Variants in SYTL2 observed in about 807,000 individuals in gnomAD.
SYTL2 encodes the protein synaptotagmin like 2, also known as synaptotagmin-like protein 2.
A neutral mutation model predicts 198.7 loss-of-function variants in SYTL2; 165 were observed. That is an observed-to-expected ratio of 0.83 (90% CI 0.73 to 0.94). SYTL2 has a LOEUF of 0.94. Among genes scored for constraint, SYTL2 ranks in the 40% least tolerant of loss-of-function variants. The probability of loss-of-function intolerance (pLI) is 0.00; values close to 1 mark genes in which losing one functional copy is unlikely to be tolerated. For synonymous variants in SYTL2, 966 were observed against 917.7 expected, an observed-to-expected ratio of 1.05 and a Z score of -0.95; for missense variants, 2,835 against 2,582.8, an observed-to-expected ratio of 1.10 and a Z score of -2.12.
At chr11:85,705,786 A>C (rs181032359) in intron 15 of SYTL2, among the ~76,000 whole-genome samples, 5 of 152,306 alleles carry the variant, frequency 3.3e-5, no homozygotes, top group African/African-American at 9.6e-5. Context: ...TAACATTTAA[A>C]TTATCTGGCT....
chr11:85,734,685 A>G lies in SYTL2; in HGVS notation c.644T>C (p.Leu215Ser), dbSNP rs1430164694. The G allele has an allele frequency of 4.3e-6, 7 of 1,613,980 alleles. No individual in the cohort carries two copies. The highest frequency in any genetic ancestry group is 5.9e-6 in the Non-Finnish European group (7 of 1,180,018). Reference sequence around the variant, plus strand: ...TGGCAAAGTCTGCTTTGATTTCTCTAACTTTTGGATTGAAGTATCTGCGAC... The same window carrying G: ...TGGCAAAGTCTGCTTTGATTTCTCTGACTTTTGGATTGAAGTATCTGCGAC... The part of the protein sequence containing the change: ...STVADTSIQK[L>S]EKSKQTLPGL... Residue 215 changes from leucine to serine, a missense_variant, in exon 7 of 20, where the codon TTA becomes TCA. This residue lies in a region of SYTL2 where 2,645 missense variants were observed against 2,381.7 expected (regional missense o/e 1.11). Transcript: ENST00000359152.
intron 1 of SYTL2, among the ~76,000 whole-genome samples, chr11:85,776,466 T>C (rs2092453613): frequency 6.6e-6 from 1 of 152,200 alleles, no homozygotes; most frequent in Non-Finnish European, 1.5e-5. Flanking sequence ...GTTCTCATTG[T>C]TCAACTCTCA....
the SYTL2 span, among the ~76,000 whole-genome samples, chr11:85,821,289 T>C: frequency 6.6e-6 from 1 of 152,216 alleles, no homozygotes; most frequent in African/African-American, 2.4e-5. Context: ...TAGAGCATCT[T>C]ATAGATTCTA....
chr11:85,816,079 C>A (rs1007580965), upstream of SYTL2, among the ~76,000 whole-genome samples: 2 of 152,044 alleles, frequency 1.3e-5, no homozygotes, highest in African/African-American at 4.8e-5. Flanking sequence ...GCAGGAGAAT[C>A]GCTTGAACCT....
chr11:85,711,429 A>G (rs542803028), intron 12 of SYTL2, among the ~76,000 whole-genome samples, 197 bp from the exon 13 acceptor site: 1 of 152,336 alleles, frequency 6.6e-6, no homozygotes, highest in South Asian at 2.1e-4. Context: ...GGAGGAAGGC[A>G]GTGCTTAGCT....
chr11:85,748,060 TC>T (rs1406709759), intron 3 of SYTL2, among the ~76,000 whole-genome samples: 2 of 152,244 alleles, frequency 1.3e-5, no homozygotes, highest in East Asian at 1.9e-4. Flanking sequence ...CTAAAGGGCT[TC>T]CTATGTTCCT....
intron 2 of SYTL2, among the ~76,000 whole-genome samples, chr11:85,753,852 C>A (rs541783631): frequency 6.8e-6 from 1 of 148,118 alleles, no homozygotes; most frequent in Non-Finnish European, 1.5e-5. Flanking sequence ...TGGCTGTGAA[C>A]AAGTCAAAGC....
rs1252996647 is a variant in SYTL2 at position 85,745,770 on chromosome 11, C to T, written c.256G>A (p.Glu86Lys). The T allele has an allele frequency of 1.2e-6, 2 of 1,609,100 alleles. No homozygotes were observed. Among genetic ancestry groups the T allele is most frequent in the South Asian group, 1.1e-5 (1 of 90,856 alleles). ...MRKKRPQIAA[E>K]QSKDRENGAK... ...CCATTTTCTCTGTCTTTACTCTGCT[C>T]AGCTGAAACAGGAAACAGTAAAGAC... Residue 86 changes from glutamate (E) to lysine (K), a missense_variant and splice_region_variant, in exon 4 of 20, where the codon GAG (glutamate) becomes AAG (lysine). This residue lies in a region of SYTL2 where 2,645 missense variants were observed against 2,381.7 expected (regional missense o/e 1.11). Coordinates refer to ENST00000359152, the MANE Select transcript of SYTL2 (RefSeq NM_206927.4).
the SYTL2 span, among the ~76,000 whole-genome samples, chr11:85,850,412 A>G: frequency 6.6e-6 from 1 of 152,072 alleles, no homozygotes; most frequent in Non-Finnish European, 1.5e-5. Flanking sequence ...GCAGCCAAAA[A>G]ACACATGAAA....
chr11:85,780,538 C>T (rs1329520886), intron 1 of SYTL2, among the ~76,000 whole-genome samples: 1 of 152,168 alleles, frequency 6.6e-6, no homozygotes, highest in African/African-American at 2.4e-5. Context: ...TCAGTCACGC[C>T]TATGTAACGA....
At chr11:85,827,787 CA>C in the SYTL2 span, among the ~76,000 whole-genome samples, 1 of 152,174 alleles carries the variant, frequency 6.6e-6, no homozygotes, top group African/African-American at 2.4e-5. Flanking sequence ...AAATCCTTGT[CA>C]AGTCTGTGTT....
Position 85,725,521 on chromosome 11 carries a change from A to G in SYTL2, c.3837T>C (p.Asn1279=), listed in dbSNP as rs761802039. 9 of 1,614,004 alleles carry G rather than the reference A, an allele frequency of 5.6e-6. No homozygotes were observed. The Admixed American group carries it at 1.0e-4, about 18-fold the overall frequency. Residue 1279 remains asparagine (N), a synonymous_variant, in exon 8 of 20, where the codon AAT becomes AAC. Transcript: ENST00000359152. ...TTTCAGCTTTCTTGAGGAGAGCTGT[A>G]TTTCCAAAAGTTTCATCTCTCACTG... The part of the protein sequence containing the change: ...PFPVRDETFG[N]TALLKKAESG...
chr11:85,714,808 G>C (rs117414468), intron 11 of SYTL2: 32 of 562,412 alleles, frequency 5.7e-5, no homozygotes, highest in Non-Finnish European at 6.9e-5. Flanking sequence ...GTGTGAATTG[G>C]TTTAGCTTAT....
chr11:85,757,344 G>A (rs1292634828), intron 2 of SYTL2, among the ~76,000 whole-genome samples: 2 of 152,106 alleles, frequency 1.3e-5, no homozygotes, highest in Non-Finnish European at 2.9e-5. Context: ...GTAGATGTAT[G>A]TGGTTGTATA....
chr11:85,711,293 T>C, intron 12 of SYTL2, 61 bp from the exon 13 acceptor site: 1 of 1,564,662 alleles, frequency 6.4e-7, no homozygotes, highest in Non-Finnish European at 8.7e-7. Flanking sequence ...GATCAGAATC[T>C]CTGTTTAGGC....
chr11:85,735,608 T>C (rs914083727), intron 6 of SYTL2, among the ~76,000 whole-genome samples: 20 of 152,038 alleles, frequency 1.3e-4, no homozygotes, highest in African/African-American at 4.8e-4. Flanking sequence ...AATACAAAAA[T>C]TAGGCGGGTG....
Position 85,696,288 on chromosome 11 carries a change from A to G in SYTL2, c.6469T>C (p.Phe2157Leu). 1 of 1,614,048 alleles carries G rather than the reference A, an allele frequency of 6.2e-7. No individual in the cohort carries two copies. The highest frequency in any genetic ancestry group is 8.5e-7 in the Non-Finnish European group (1 of 1,179,948). Reference sequence around the variant, plus strand: ...GCTTCCATCAGATCTTCAGGCCTGAACCCATCATACACCATAGTGTGGTTG... The same window carrying G: ...GCTTCCATCAGATCTTCAGGCCTGAGCCCATCATACACCATAGTGTGGTTG... ...IFNHTMVYDG[F>L]RPEDLMEACV... is the part of the protein sequence containing the mutation. Residue 2157 changes from phenylalanine (F) to leucine (L), a missense_variant, in exon 19 of 20, where the codon TTC becomes CTC. Physicochemically the swap from Phe to Leu is conservative, Grantham distance 22. Around this residue, in one of 3 missense-constraint regions of SYTL2, gnomAD observed 185 missense variants for 182.1 expected, o/e 1.02. Transcript: ENST00000359152.
At chr11:85,697,320 G>T (rs752904509) in intron 18 of SYTL2, among the ~76,000 whole-genome samples, 2 of 152,124 alleles carry the variant, frequency 1.3e-5, no homozygotes, top group East Asian at 3.9e-4. Context: ...AATTATAGGC[G>T]TGAGACACCT....
chr11:85,826,145 G>C, the SYTL2 span, among the ~76,000 whole-genome samples: 53,158 of 152,088 alleles, frequency 0.35, 10,585 homozygotes, highest in African/African-American at 0.53. Context: ...AATGCAGGCT[G>C]TCTGGCCCCA....
Sources: allele counts gnomAD v4.1 joint callset (sites outside exome capture counted in the v4.1 genomes callset), GRCh38; gene constraint gnomAD v4.1.1; regional missense constraint gnomAD v4.1.1; transcripts MANE v1.5; gene names NCBI Gene and HGNC (gene_info 2026-07-23, HGNC 2026-07-21).